MCPH1: variants seen among roughly 807,000 people sequenced by gnomAD.
The protein encoded by MCPH1 is microcephalin.
A neutral mutation model predicts 84.5 loss-of-function variants in MCPH1; 104 were observed. The ratio of observed to expected loss-of-function variants is 1.23; its 90% CI spans 1.05 to 1.45. The LOEUF (loss-of-function observed/expected upper bound fraction) is 1.45. MCPH1 is among the 40% of genes most tolerant of loss of function. The pLI is 0.00. For missense variants in MCPH1, 1,498 were observed against 1,005.7 expected (o/e 1.49, Z -6.62); for synonymous variants, 514 against 366.8 (o/e 1.40, Z -4.58).
chr8:6,643,384 C>T lies in MCPH1; in HGVS notation c.*335C>T, dbSNP rs575070400. ...GGTTCAAGCGATTCTGCTGCCTCAG[C>T]CTCCTGAGTAGCTGGGATTACAGAT... On this transcript the variant is annotated 3_prime_UTR_variant, in exon 14 of 14. Transcript: ENST00000344683. 1.8e-5 allele frequency: 6 copies of T among 342,850 alleles called. No homozygotes were observed. The East Asian group carries it at 3.6e-4, about 20-fold the overall frequency. 21.2% of individuals were successfully genotyped at this position (342,850 alleles called of 1,614,324 possible). A position where few individuals can be genotyped will look rare whatever the true frequency, so the allele number is the denominator to read the frequency against.
At chr8:6,508,832 C>T (rs1034837727) in intron 12 of MCPH1, 22 of 1,523,082 alleles carry the variant, frequency 1.4e-5, no homozygotes, top group Non-Finnish European at 1.6e-5. Flanking sequence ...AAATTGTGGA[C>T]ATCGTTACAA....
intron 11 of MCPH1, among the ~76,000 whole-genome samples, chr8:6,491,993 G>C (rs1239357804): frequency 2.0e-5 from 3 of 152,220 alleles, no homozygotes; most frequent in Admixed American, 6.5e-5. Context: ...TATATACCCA[G>C]TAATGGGATG....
chr8:6,613,568 G>A (rs891638774), intron 12 of MCPH1, among the ~76,000 whole-genome samples: 5 of 151,940 alleles, frequency 3.3e-5, no homozygotes, highest in African/African-American at 4.8e-5. Flanking sequence ...TGGCAGCTAC[G>A]GAGGAAGCTG....
chr8:6,540,815 G>C (rs143722172), intron 12 of MCPH1, among the ~76,000 whole-genome samples: 1 of 152,242 alleles, frequency 6.6e-6, no homozygotes, highest in Non-Finnish European at 1.5e-5. Context: ...GAACAGGCGC[G>C]GGAGGCAGGG....
chr8:6,549,015 C>T lies in MCPH1; in HGVS notation c.2214+49086C>T, dbSNP rs149989885. Among the ~76,000 whole-genome samples the T allele has an allele frequency of 2.5e-3, 385 of 152,320 alleles. 3 individuals are homozygous for T. Among genetic ancestry groups the T allele is most frequent in the African/African-American group, 9.0e-3 (374 of 41,556 alleles). ...CCTCAAAAGTTGGTTCTGGGCATCA[C>T]GGAATAAACACCAAGACCACTCAGC... On this transcript the variant is annotated intron_variant, in intron 12 of 13. Transcript: ENST00000344683.
chr8:6,513,954 C>A lies in MCPH1; in HGVS notation c.2214+14025C>A, dbSNP rs7846464. 4,658 of 1,075,896 alleles carry A rather than the reference C, an allele frequency of 4.3e-3. 91 individuals are homozygous for A. The highest frequency in any genetic ancestry group is 0.034 in the African/African-American group (2,105 of 61,570). The allele number at this position is 1,075,896 out of a possible 1,614,324, so 66.6% of individuals were successfully genotyped here. A position where few individuals can be genotyped will look rare whatever the true frequency, so the allele number is the denominator to read the frequency against. ...GAATAACTATCAAATAGCAGAAATT[C>A]CTTCTGGTGCTGTGACAATTTAGGG... On this transcript the variant is annotated intron_variant, in intron 12 of 13. Transcript: ENST00000344683.
chr8:6,531,728 C>G (rs1180942925), intron 12 of MCPH1, among the ~76,000 whole-genome samples: 2 of 152,208 alleles, frequency 1.3e-5, no homozygotes, highest in African/African-American at 4.8e-5. Context: ...AGGTGAGTGC[C>G]TCATTGTGAT....
chr8:6,473,922 T>A (rs1209311965), intron 9 of MCPH1: 8 of 1,542,894 alleles, frequency 5.2e-6, no homozygotes, highest in African/African-American at 1.4e-5. Flanking sequence ...TCTGGTTTAT[T>A]GCTGGGCAGC....
intron 8 of MCPH1, among the ~76,000 whole-genome samples, chr8:6,453,028 G>A (rs1051040747): frequency 2.0e-5 from 3 of 152,184 alleles, no homozygotes; most frequent in East Asian, 1.9e-4. Context: ...AGTAATGGAC[G>A]ACTTTATGGG....
chr8:6,422,671 C>G (rs1026588963), intron 3 of MCPH1, among the ~76,000 whole-genome samples: 2 of 152,164 alleles, frequency 1.3e-5, no homozygotes, highest in South Asian at 2.1e-4. Context: ...CTTGTAACTT[C>G]GTTATCCAAA....
chr8:6,586,582 C>A (rs771512380), intron 12 of MCPH1, among the ~76,000 whole-genome samples: 60 of 152,148 alleles, frequency 3.9e-4, no homozygotes, highest in Non-Finnish European at 4.6e-4. Flanking sequence ...GGGCTTAGAA[C>A]TGCATGTCTG....
In MCPH1 at chr8:6,570,230, G is replaced by A. The variant is rs145406225; in HGVS notation, c.2215-51224G>A. 2.5e-3 allele frequency among the ~76,000 whole-genome samples: 376 copies of A among 152,264 alleles called. 1 individual carries two copies. Among genetic ancestry groups the A allele is most frequent in the African/African-American group, 8.7e-3 (360 of 41,550 alleles). On this transcript the variant is annotated intron_variant, in intron 12 of 13. Transcript: ENST00000344683. ...GAGATGAAGTTGAGCACAATTTCCT[G>A]TTCTAGTTGCAATTAAATATAAATA...
intron 12 of MCPH1, among the ~76,000 whole-genome samples, chr8:6,553,482 C>A (rs550279090): frequency 5.9e-5 from 9 of 152,070 alleles, no homozygotes; most frequent in African/African-American, 2.2e-4. Context: ...CGGCTTCACA[C>A]GTCAACATTT....
intron 2 of MCPH1, among the ~76,000 whole-genome samples, chr8:6,410,531 T>C (rs1260216572): frequency 6.6e-6 from 1 of 152,222 alleles, no homozygotes; most frequent in Non-Finnish European, 1.5e-5. Flanking sequence ...TCAGATTTAC[T>C]ATCACGTACT....
intron 12 of MCPH1, among the ~76,000 whole-genome samples, chr8:6,572,326 G>C (rs1826726924): frequency 6.6e-6 from 1 of 152,022 alleles, no homozygotes; most frequent in African/African-American, 2.4e-5. Context: ...CAAAAATCTT[G>C]CTTGACTACA....
chr8:6,592,467 T>A (rs1828543062), intron 12 of MCPH1, among the ~76,000 whole-genome samples: 1 of 152,140 alleles, frequency 6.6e-6, no homozygotes, highest in South Asian at 2.1e-4. Context: ...ATCTTGTAAC[T>A]ATTATATATT....
At chr8:6,406,840 CCCCCG>C in intron 1 of MCPH1, 151 bp downstream of exon 1, 2 of 44,326 alleles carry the variant, frequency 4.5e-5, no homozygotes, top group Non-Finnish European at 1.1e-4. Context: ...CCTCCTTCCT[CCCCCG>C]CTGCCTGTCC....
intron 12 of MCPH1, among the ~76,000 whole-genome samples, chr8:6,601,622 C>G (rs538433913): frequency 6.7e-6 from 1 of 148,804 alleles, no homozygotes; most frequent in East Asian, 1.9e-4. Context: ...CACCACCCAC[C>G]CACATGCACA....
At chr8:6,460,130 C>G (rs1367363270) in intron 9 of MCPH1, among the ~76,000 whole-genome samples, 2 of 151,034 alleles carry the variant, frequency 1.3e-5, no homozygotes, top group Non-Finnish European at 2.9e-5. Context: ...ACTGTGATTT[C>G]TTTTGCCTGT....
Sources: allele counts gnomAD v4.1 joint callset (sites outside exome capture counted in the v4.1 genomes callset), GRCh38; gene constraint gnomAD v4.1.1; transcripts MANE v1.5; gene names NCBI Gene and HGNC (gene_info 2026-07-23, HGNC 2026-07-21).